EXOC4: variants seen among roughly 807,000 people sequenced by gnomAD.
The protein encoded by EXOC4 is SEC8-like 1.
EXOC4 carries 71 observed loss-of-function variants against 107.2 expected under a neutral mutation model. That is an observed-to-expected ratio of 0.66 (90% confidence interval 0.55 to 0.81). EXOC4 has a LOEUF of 0.81. Ranked by LOEUF, EXOC4 falls within the 30% of genes least tolerant of loss-of-function variation. The pLI, the probability that EXOC4 is intolerant of heterozygous loss-of-function variation, is 0.00. For synonymous variants in EXOC4, 456 were observed against 441.2 expected, an observed-to-expected ratio of 1.03 and a Z score of -0.42; for missense variants, 1,108 against 1,189.6, an observed-to-expected ratio of 0.93 and a Z score of 1.01.
At chr7:133,574,317 A>T (rs1801083946) in intron 9 of EXOC4, among the ~76,000 whole-genome samples, 1 of 152,196 alleles carries the variant, frequency 6.6e-6, no homozygotes, top group South Asian at 2.1e-4. Context: ...ATGTTTACAC[A>T]TACACCAAAA....
chr7:133,713,844 C>G (rs867389145), intron 10 of EXOC4, among the ~76,000 whole-genome samples: 1 of 152,278 alleles, frequency 6.6e-6, no homozygotes, highest in African/African-American at 2.4e-5. Context: ...GAGCCTCCCC[C>G]GCCCCAAACA....
rs576318837 is a variant in EXOC4 at position 133,888,899 on chromosome 7, A to C, written c.1735-6700A>C. The stretch of plus-strand genomic sequence containing the variant: ...GGATACACCTGATAGGGGTGTTGAG[A>C]GGATTAAACAAAATAAAATATCCAA... On this transcript the variant is annotated intron_variant, in intron 11 of 17. Coordinates refer to ENST00000253861, the MANE Select transcript of EXOC4 (RefSeq NM_021807.4). 3.3e-5 allele frequency among the ~76,000 whole-genome samples: 5 copies of C among 152,314 alleles called. No homozygotes were observed. In the South Asian group the frequency reaches 8.3e-4, roughly 25 times the overall value.
intron 9 of EXOC4, among the ~76,000 whole-genome samples, chr7:133,566,843 A>G (rs979952400): frequency 6.6e-6 from 1 of 152,212 alleles, no homozygotes; most frequent in African/African-American, 2.4e-5. Flanking sequence ...ATGTGTAGAC[A>G]AAGTTGTTGT....
intron 10 of EXOC4, among the ~76,000 whole-genome samples, chr7:133,683,069 G>A (rs1281827703): frequency 6.6e-6 from 1 of 152,138 alleles, no homozygotes; most frequent in East Asian, 1.9e-4. Flanking sequence ...TTGATTTTCT[G>A]AGCACTATGA....
chr7:133,805,483 G>C (rs1797053398), intron 10 of EXOC4, among the ~76,000 whole-genome samples: 1 of 152,170 alleles, frequency 6.6e-6, no homozygotes, highest in Non-Finnish European at 1.5e-5. Context: ...ACATGAAAAA[G>C]ACATGTTCCC....
At chr7:133,664,465 TAC>T (rs748397233) in intron 10 of EXOC4, among the ~76,000 whole-genome samples, 1 of 152,132 alleles carries the variant, frequency 6.6e-6, no homozygotes, top group Non-Finnish European at 1.5e-5. Context: ...ATCTCCAAAC[TAC>T]AGTCTCAAGA....
intron 11 of EXOC4, 111 bp downstream of exon 11, chr7:133,817,655 C>A (rs1797405514): frequency 3.3e-5 from 24 of 736,412 alleles, no homozygotes; most frequent in South Asian, 8.4e-5. Context: ...TCATCAGGGA[C>A]AAAACAAAAG....
intron 1 of EXOC4, among the ~76,000 whole-genome samples, chr7:133,266,235 C>G (rs1301608063): frequency 6.6e-6 from 1 of 152,102 alleles, no homozygotes; most frequent in African/African-American, 2.4e-5. Context: ...CCTTCCTTTT[C>G]CTTTCTTCTA....
At chr7:133,365,847 G>A (rs1408201570) in intron 6 of EXOC4, among the ~76,000 whole-genome samples, 5 of 152,074 alleles carry the variant, frequency 3.3e-5, no homozygotes, top group Non-Finnish European at 7.4e-5. Context: ...CTAATTATAC[G>A]TTTCTTTTTA....
intron 9 of EXOC4, among the ~76,000 whole-genome samples, chr7:133,504,048 C>T (rs996143575): frequency 1.3e-5 from 2 of 152,054 alleles, no homozygotes; most frequent in East Asian, 1.9e-4. Context: ...CTCACAAATA[C>T]GTGTACAAAT....
intron 15 of EXOC4, 35 bp downstream of exon 15, chr7:133,997,668 G>A (rs1311420444): frequency 6.2e-7 from 1 of 1,602,618 alleles, no homozygotes; most frequent in Admixed American, 1.7e-5. Flanking sequence ...CTTGCAATTT[G>A]AATGCACTGC....
intron 4 of EXOC4, among the ~76,000 whole-genome samples, chr7:133,308,015 T>C (rs1794791675): frequency 6.6e-6 from 1 of 152,076 alleles, no homozygotes; most frequent in Admixed American, 6.6e-5. Flanking sequence ...AACTAAAACA[T>C]GAATAAAATG....
At chr7:134,078,853 T>TG in the EXOC4 span, among the ~76,000 whole-genome samples, 7 of 152,240 alleles carry the variant, frequency 4.6e-5, no homozygotes, top group African/African-American at 1.7e-4. Context: ...TAGAACTTCT[T>TG]GCATCTTGCA....
At chr7:133,756,258 C>G (rs1475954846) in intron 10 of EXOC4, among the ~76,000 whole-genome samples, 1 of 152,080 alleles carries the variant, frequency 6.6e-6, no homozygotes, top group South Asian at 2.1e-4. Flanking sequence ...TTTTTTTCCC[C>G]TAAGTACTCA....
intron 11 of EXOC4, among the ~76,000 whole-genome samples, chr7:133,836,388 A>C (rs1009775051): frequency 6.6e-6 from 1 of 152,164 alleles, no homozygotes; most frequent in Non-Finnish European, 1.5e-5. Context: ...CCAATAGTAG[A>C]ATCTAGGCCC....
intron 14 of EXOC4, among the ~76,000 whole-genome samples, chr7:133,990,798 A>C (rs1794237391): frequency 2.0e-5 from 3 of 152,084 alleles, no homozygotes; most frequent in Admixed American, 1.3e-4. Context: ...CATTGTGTAT[A>C]TCTACCACAT....
At chr7:133,450,028 A>T (rs572276815) in intron 7 of EXOC4, among the ~76,000 whole-genome samples, 3 of 151,844 alleles carry the variant, frequency 2.0e-5, no homozygotes, top group East Asian at 1.9e-4. Flanking sequence ...TCCCCTCTTT[A>T]AAAAAAATCT....
At chr7:134,007,996 A>G in intron 17 of EXOC4, 161 bp downstream of exon 17, 1 of 627,054 alleles carries the variant, frequency 1.6e-6, no homozygotes, top group Non-Finnish European at 2.5e-6. Flanking sequence ...AAATAATTCC[A>G]CAGAATTCTA....
rs1794747522 is a variant in EXOC4 at position 133,306,055 on chromosome 7, A to G, written c.650A>G (p.Lys217Arg). 3 of 1,610,356 alleles carry G rather than the reference A, an allele frequency of 1.9e-6. No individual in the cohort carries two copies. The highest frequency in any genetic ancestry group is 1.1e-5 in the South Asian group (1 of 90,364). ...RVVQRNKEKG[K>R]ISSLVKDASV... ...GTGCAGCGTAACAAGGAAAAAGGGAAAATCAGGTTAAAGAGGCTCTTTGCT... is the reference window on the plus strand; with the variant it reads ...GTGCAGCGTAACAAGGAAAAAGGGAGAATCAGGTTAAAGAGGCTCTTTGCT... Residue 217 changes from lysine (K) to arginine (R), a missense_variant, in exon 4 of 18, where the codon AAA (lysine) becomes AGA (arginine). By Grantham distance (26) the Lys-to-Arg change is conservative (BLOSUM62 2). Coordinates refer to ENST00000253861, the MANE Select transcript of EXOC4 (RefSeq NM_021807.4).
Sources: gnomAD v4.1 joint callset for allele counts (sites outside exome capture counted in the v4.1 genomes callset) on GRCh38, gnomAD v4.1.1 for gene constraint, MANE v1.5 for transcripts, NCBI Gene and HGNC (gene_info 2026-07-23, HGNC 2026-07-21) for gene names.